Variants in SMURF2 observed in about 807,000 individuals in gnomAD.
The protein encoded by SMURF2 is SMAD specific E3 ubiquitin protein ligase 2.
In SMURF2, 48 loss-of-function variants were observed where a neutral mutation model predicts 109.6. That is an observed-to-expected ratio of 0.44 (90% CI 0.35 to 0.56). The LOEUF is 0.56. SMURF2 is among the 20% of genes least tolerant of loss of function. The probability of loss-of-function intolerance (pLI) is 0.01; values close to 1 mark genes in which losing one functional copy is unlikely to be tolerated. For synonymous variants in SMURF2, 288 were observed against 317.1 expected, an observed-to-expected ratio of 0.91 and a Z score of 0.97; for missense variants, 575 against 909.0, an observed-to-expected ratio of 0.63 and a Z score of 4.72.
intron 5 of SMURF2, among the ~76,000 whole-genome samples, chr17:64,586,707 C>T (rs181310468): frequency 5.7e-5 from 8 of 141,194 alleles, no homozygotes; most frequent in Admixed American, 5.2e-4. Context: ...GCTGAGATCG[C>T]GCCACTGCAC....
chr17:64,593,545 T>C lies in SMURF2; in HGVS notation c.229A>G (p.Ile77Val), dbSNP rs781999155. The change falls in exon 4 of 19, where the codon ATC becomes GTC. Residue 77 changes from isoleucine to valine, a missense_variant. By Grantham distance (29) the Ile-to-Val change is conservative. Around this residue, in one of 5 missense-constraint regions of SMURF2, gnomAD observed 33 missense variants for 66.0 expected, o/e 0.50. Coordinates refer to ENST00000262435, the MANE Select transcript of SMURF2 (RefSeq NM_022739.4). The part of the protein sequence containing the change: ...LYIGKSDSVT[I>V]SVWNHKKIHK... Reference sequence around the variant, plus strand: ...ATCTTCTTGTGATTCCATACACTGATCGTAACTGAATCAGACTTTCCAATA... The same window carrying C: ...ATCTTCTTGTGATTCCATACACTGACCGTAACTGAATCAGACTTTCCAATA... 6.3e-7 allele frequency: 1 copy of C among 1,578,966 alleles called. No homozygotes were observed. Among genetic ancestry groups the C allele is most frequent in the Non-Finnish European group, 8.6e-7 (1 of 1,157,726 alleles).
In SMURF2 at chr17:64,571,790, A is replaced by C. The variant is rs1449580190; in HGVS notation, c.1016+8T>G. 1 of 1,602,698 alleles carries C rather than the reference A, an allele frequency of 6.2e-7. No homozygotes were observed. The highest frequency in any genetic ancestry group is 1.3e-5 in the African/African-American group (1 of 74,486). On this transcript the variant is annotated splice_region_variant and intron_variant, in intron 10 of 18. Coordinates refer to ENST00000262435, the MANE Select transcript of SMURF2 (RefSeq NM_022739.4). ...CCCATTTTAACATGTATTGTTTCAA[A>C]AACTTACTTTAAAACTAAATGCAAG...
chr17:64,581,788 T>C lies in SMURF2; in HGVS notation c.570-797A>G, dbSNP rs1017739296. ...AGCGAAACCCCATCTCTACTAAAAA[T>C]ACAAAAATTAGCCGGGTGTGGGGGC... On this transcript the variant is annotated intron_variant, in intron 7 of 18. Transcript: ENST00000262435. The surrounding 1 kb of genome is among the most constrained non-coding windows in gnomAD (Gnocchi z 4.3). Among the ~76,000 whole-genome samples, 1 of 151,784 alleles carries C rather than the reference T, an allele frequency of 6.6e-6. No homozygotes were observed. Among genetic ancestry groups the C allele is most frequent in the Non-Finnish European group, 1.5e-5 (1 of 67,930 alleles).
intron 1 of SMURF2, among the ~76,000 whole-genome samples, chr17:64,620,037 G>A (rs1161869356): frequency 6.6e-5 from 10 of 152,094 alleles, no homozygotes; most frequent in African/African-American, 2.4e-4. Flanking sequence ...AGCTTCCCTA[G>A]TGAACCTGCT....
intron 1 of SMURF2, among the ~76,000 whole-genome samples, chr17:64,650,927 G>T (rs1970628744): frequency 6.7e-6 from 1 of 149,178 alleles, no homozygotes; most frequent in South Asian, 2.1e-4. Flanking sequence ...AAAAAAATCT[G>T]CTGGCTGGGC....
At chr17:64,549,969 G>A (rs1363158284) in intron 16 of SMURF2, among the ~76,000 whole-genome samples, 2 of 152,206 alleles carry the variant, frequency 1.3e-5, no homozygotes, top group Non-Finnish European at 2.9e-5. Flanking sequence ...AGGATTATGG[G>A]TGTATTTAAT....
chr17:64,577,297 C>T lies in SMURF2; in HGVS notation c.857+1195G>A, dbSNP rs567899320. Among the ~76,000 whole-genome samples the T allele has an allele frequency of 2.4e-3, 363 of 151,598 alleles. 1 individual carries two copies. Among genetic ancestry groups the T allele is most frequent in the Non-Finnish European group, 3.9e-3 (265 of 67,940 alleles). On this transcript the variant is annotated intron_variant, in intron 9 of 18. Transcript: ENST00000262435. Reference sequence around the variant, plus strand: ...GAAACCATCATTCTCAGCCAACTATCGCAAGGCCAAAAAAACAAACACTGC... The same window carrying T: ...GAAACCATCATTCTCAGCCAACTATTGCAAGGCCAAAAAAACAAACACTGC...
intron 10 of SMURF2, chr17:64,563,270 C>T (rs1969251523): frequency 5.0e-6 from 1 of 198,766 alleles, no homozygotes; most frequent in African/African-American, 2.3e-5. Context: ...TACCATCACC[C>T]ACTTTAAAAT....
At chr17:64,625,893 A>G (rs1305473511) in intron 1 of SMURF2, among the ~76,000 whole-genome samples, 4 of 152,192 alleles carry the variant, frequency 2.6e-5, no homozygotes, top group Non-Finnish European at 4.4e-5. Flanking sequence ...GTACTTAGAC[A>G]ATACACACAC....
intron 10 of SMURF2, among the ~76,000 whole-genome samples, chr17:64,566,259 A>G (rs1165117001): frequency 6.6e-6 from 1 of 152,100 alleles, no homozygotes; most frequent in African/African-American, 2.4e-5. Flanking sequence ...CTACAATTTT[A>G]AGATTAAAAT....
chr17:64,578,135 G>A (rs925158722), intron 9 of SMURF2, among the ~76,000 whole-genome samples: 1 of 151,688 alleles, frequency 6.6e-6, no homozygotes, highest in Non-Finnish European at 1.5e-5. Context: ...TAGTAGAGAT[G>A]GGGTTTCACC....
At chr17:64,593,398 CATAT>C in intron 4 of SMURF2, 38 bp downstream of exon 4, 1 of 1,577,654 alleles carries the variant, frequency 6.3e-7, no homozygotes, top group African/African-American at 1.4e-5. Context: ...CACACACACA[CATAT>C]ATGTTTTTTA....
chr17:64,592,274 T>G (rs1298772611), intron 4 of SMURF2, among the ~76,000 whole-genome samples: 2 of 152,222 alleles, frequency 1.3e-5, no homozygotes, highest in African/African-American at 2.4e-5. Context: ...AGGGATAATG[T>G]CAGACATTTG....
chr17:64,620,978 G>A (rs759880001), intron 1 of SMURF2, among the ~76,000 whole-genome samples: 8 of 152,036 alleles, frequency 5.3e-5, no homozygotes, highest in Admixed American at 3.3e-4. Context: ...AGTACTCTGC[G>A]TACCCATTCC....
Position 64,545,665 on chromosome 17 carries a change from C to A in SMURF2, c.*183G>T, listed in dbSNP as rs1555683018. Reference sequence around the variant, plus strand: ...GCAAAGCATAAAGACCTTTTTTTTCCTTGAAAAGGAATTTCAAAATTGTCC... The same window carrying A: ...GCAAAGCATAAAGACCTTTTTTTTCATTGAAAAGGAATTTCAAAATTGTCC... On this transcript the variant is annotated 3_prime_UTR_variant, in exon 19 of 19. Coordinates refer to ENST00000262435, the MANE Select transcript of SMURF2 (RefSeq NM_022739.4). The A allele has an allele frequency of 9.8e-6, 4 of 408,790 alleles. No homozygotes were observed. The highest frequency in any genetic ancestry group is 2.3e-5 in the African/African-American group (1 of 44,396). The allele number at this position is 408,790 out of a possible 1,614,324, so 25.3% of individuals were successfully genotyped here. A position where few individuals can be genotyped will look rare whatever the true frequency, so the allele number is the denominator to read the frequency against.
Position 64,557,859 on chromosome 17 carries a change from A to G in SMURF2, c.1317-137T>C, listed in dbSNP as rs59288316. On this transcript the variant is annotated intron_variant, in intron 12 of 18. Coordinates refer to ENST00000262435, the MANE Select transcript of SMURF2 (RefSeq NM_022739.4). ...AAAAAGCACTAACTACAGTTATATA[A>G]GATCACATTGGAAAAATCTACCGTA... 7.7e-4 allele frequency: 415 copies of G among 539,956 alleles called. 1 individual carries two copies. The highest frequency in any genetic ancestry group is 7.2e-3 in the African/African-American group (376 of 52,006). The allele number at this position is 539,956 out of a possible 1,614,324, so 33.4% of individuals were successfully genotyped here.
intron 7 of SMURF2, among the ~76,000 whole-genome samples, chr17:64,582,915 TG>T (rs58826226): frequency 1.3e-5 from 2 of 151,536 alleles, no homozygotes. Flanking sequence ...TTTTTTTTTT[TG>T]GGGACAGAGT....
At chr17:64,651,031 G>A (rs1970631130) in intron 1 of SMURF2, among the ~76,000 whole-genome samples, 1 of 151,248 alleles carries the variant, frequency 6.6e-6, no homozygotes, top group African/African-American at 2.4e-5. Context: ...GGCCAACACA[G>A]CAAAACCCTG....
chr17:64,549,514 G>C (rs1969009061), intron 16 of SMURF2, among the ~76,000 whole-genome samples: 1 of 152,064 alleles, frequency 6.6e-6, no homozygotes, highest in Non-Finnish European at 1.5e-5. Context: ...CTAACAATTT[G>C]GGAAGCAGAG....
Sources: gnomAD v4.1 joint callset for allele counts (sites outside exome capture counted in the v4.1 genomes callset) on GRCh38, gnomAD v4.1.1 for gene constraint, gnomAD v4.1.1 regional missense constraint, Gnocchi (gnomAD v3.1) non-coding constraint, MANE v1.5 for transcripts, NCBI Gene and HGNC (gene_info 2026-07-23, HGNC 2026-07-21) for gene names.